Variants in LAMB1 observed in about 807,000 individuals in gnomAD.
LAMB1 encodes laminin subunit beta 1.
A neutral mutation model predicts 222.3 loss-of-function variants in LAMB1; 121 were observed. The observed-to-expected ratio is 0.54, with a 90% CI of 0.47 to 0.63. LAMB1 has a LOEUF of 0.63. Ranked by LOEUF, LAMB1 falls within the 30% of genes least tolerant of loss-of-function variation. The pLI is 0.00. For missense variants in LAMB1, 2,172 were observed against 2,240.8 expected, an observed-to-expected ratio of 0.97 and a Z score of 0.62; for synonymous variants, 794 against 807.2, an observed-to-expected ratio of 0.98 and a Z score of 0.28.
In LAMB1 at chr7:107,986,194, T is replaced by C; in HGVS notation, c.593A>G (p.Glu198Gly). The change falls in exon 6 of 34, where the codon GAA becomes GGA. Residue 198 changes from glutamate (E) to glycine (G), a missense_variant. Glu to Gly is a moderately conservative substitution (Grantham distance 98, BLOSUM62 -2). Coordinates refer to ENST00000222399, the MANE Select transcript of LAMB1 (RefSeq NM_002291.3). ...ACAAACCTCTCCTTCAGTTGAGGGTTCAATGTCAGAATATCGAGAATCACA... is the reference window on the plus strand; with the variant it reads ...ACAAACCTCTCCTTCAGTTGAGGGTCCAATGTCAGAATATCGAGAATCACA... Reference protein sequence around the residue: ...IICDSRYSDIEPSTEGEVIFR... With the variant: ...IICDSRYSDIGPSTEGEVIFR... 6.2e-7 allele frequency: 1 copy of C among 1,614,112 alleles called. No homozygotes were observed. The highest frequency in any genetic ancestry group is 8.5e-7 in the Non-Finnish European group (1 of 1,179,970).
chr7:107,956,674 AG>A (rs1469129771), intron 20 of LAMB1, among the ~76,000 whole-genome samples: 1 of 152,206 alleles, frequency 6.6e-6, no homozygotes, highest in African/African-American at 2.4e-5. Context: ...TGTGTTGGCA[AG>A]CCCACGGTGG....
rs971343938 is a variant in LAMB1, at chr7:107,940,342, G to A, written c.3408C>T (p.Pro1136=). The change falls in exon 25 of 34, where the codon CCC becomes CCT. Residue 1136 remains proline (P), a synonymous_variant. Transcript: ENST00000222399. ...CACACTGTGGCGTCTCAATGCCCCTGGGGTCACAGTCACAGGCTAGAAGGG... is the reference window on the plus strand; with the variant it reads ...CACACTGTGGCGTCTCAATGCCCCTAGGGTCACAGTCACAGGCTAGAAGGG... ...DVECRACDCD[P]RGIETPQCDQ... 8.1e-6 allele frequency: 13 copies of A among 1,613,408 alleles called. No individual in the cohort carries two copies. The highest frequency in any genetic ancestry group is 1.3e-5 in the African/African-American group (1 of 74,906).
At chr7:108,002,749 C>G (rs2034415317) in intron 2 of LAMB1, 100 bp downstream of exon 2, 1 of 1,524,602 alleles carries the variant, frequency 6.6e-7, no homozygotes, top group African/African-American at 1.4e-5. Context: ...GTCCCTCTCC[C>G]AAGCCCCCAG....
intron 21 of LAMB1, 104 bp from the exon 22 acceptor site, chr7:107,953,858 C>T: frequency 1.1e-6 from 1 of 922,142 alleles, no homozygotes; most frequent in African/African-American, 1.6e-5. Context: ...GGCGGTGCTT[C>T]ATCTTCACTG....
intron 5 of LAMB1, among the ~76,000 whole-genome samples, chr7:107,990,216 T>G (rs1042745898): frequency 2.0e-5 from 3 of 151,986 alleles, no homozygotes; most frequent in African/African-American, 7.2e-5. Context: ...TTTTTTAATT[T>G]TTTGTAGAGA....
At chr7:107,982,168 A>G (rs1038420034) in intron 7 of LAMB1, among the ~76,000 whole-genome samples, 1 of 152,228 alleles carries the variant, frequency 6.6e-6, no homozygotes, top group Non-Finnish European at 1.5e-5. Context: ...TAGACAAACG[A>G]AGAGCCATTC....
chr7:107,953,808 A>C, intron 21 of LAMB1, 54 bp from the exon 22 acceptor site: 1,109 of 1,467,580 alleles, frequency 7.6e-4, no homozygotes, highest in Non-Finnish European at 9.7e-4. Flanking sequence ...CTGAAAGCTC[A>C]CCAGTGCACC....
At chr7:107,928,900 T>TC (rs1584481968) in intron 31 of LAMB1, among the ~76,000 whole-genome samples, 164 bp downstream of exon 31, 1 of 152,298 alleles carries the variant, frequency 6.6e-6, no homozygotes, top group East Asian at 1.9e-4. Flanking sequence ...AAAACCTATC[T>TC]CCACTTATTT....
chr7:107,956,435 G>A lies in LAMB1; in HGVS notation c.2691-805C>T, dbSNP rs73195555. On this transcript the variant is annotated intron_variant, in intron 20 of 33. Coordinates refer to ENST00000222399, the MANE Select transcript of LAMB1 (RefSeq NM_002291.3). The stretch of plus-strand genomic sequence containing the variant: ...GATAATATTGATGCTGCTGATCTAG[G>A]GATCCTACTTGCAGGACCACTGCGT... 7.7e-3 allele frequency among the ~76,000 whole-genome samples: 1,175 copies of A among 152,198 alleles called. 9 individuals carry two copies. The highest frequency in any genetic ancestry group is 0.024 in the Middle Eastern group (7 of 294).
intron 24 of LAMB1, chr7:107,951,010 T>C: frequency 4.3e-6 from 2 of 469,354 alleles, no homozygotes; most frequent in Non-Finnish European, 7.7e-6. Flanking sequence ...GCCGGGAGAG[T>C]ATGCACATCC....
At position 107,932,284 on chromosome 7, in the gene LAMB1, G is replaced by A. The variant is rs1235585031; in HGVS notation, c.4282C>T (p.Pro1428Ser). The A allele has an allele frequency of 9.9e-6, 16 of 1,614,038 alleles. No individual in the cohort carries two copies. The Middle Eastern group carries it at 4.9e-4, about 50-fold the overall frequency. The change falls in exon 28 of 34, where the codon CCT (proline) becomes TCT (serine). Residue 1428 changes from proline to serine, a missense_variant. By Grantham distance (74) the Pro-to-Ser change is moderately conservative. Transcript: ENST00000222399. ...TDEGERKCGG[P>S]GCGGLVTVAH... ...ACAGTAACCAGACCACCACAGCCAG[G>A]CCCCCCACACTTCCTCTCTCCTTCG...
At position 107,980,008 on chromosome 7, in the gene LAMB1, G is replaced by T. The variant is rs185205225; in HGVS notation, c.879+601C>A. ...GGATCACTTGAGGTCAGGAGTTTGA[G>T]ATCAGCCTAGCCAACATGATGAAAC... On this transcript the variant is annotated intron_variant, in intron 8 of 33. Transcript: ENST00000222399. Among the ~76,000 whole-genome samples the T allele has an allele frequency of 7.7e-3, 1,173 of 152,122 alleles. 24 individuals are homozygous for T. The highest frequency in any genetic ancestry group is 0.027 in the African/African-American group (1,113 of 41,476).
chr7:107,929,728 C>T, intron 29 of LAMB1, 109 bp from the exon 30 acceptor site: 2 of 807,542 alleles, frequency 2.5e-6, no homozygotes, highest in South Asian at 1.6e-5. Context: ...GGTTACACAC[C>T]AAGAGACACT....
chr7:107,999,408 T>C (rs2034340674), intron 3 of LAMB1, among the ~76,000 whole-genome samples: 1 of 152,304 alleles, frequency 6.6e-6, no homozygotes. Context: ...AGGCTAAGAC[T>C]GAAATACATA....
chr7:107,996,890 C>A (rs762036361), intron 4 of LAMB1, among the ~76,000 whole-genome samples: 1 of 152,174 alleles, frequency 6.6e-6, no homozygotes, highest in Non-Finnish European at 1.5e-5. Flanking sequence ...TGTTCCTAGT[C>A]TTTGTTCATA....
chr7:107,980,157 G>C (rs1382157767), intron 8 of LAMB1, among the ~76,000 whole-genome samples: 1 of 150,916 alleles, frequency 6.6e-6, no homozygotes, highest in Admixed American at 6.6e-5. Context: ...GCAGTGAGCT[G>C]AAATTGCACC....
rs1274005883 is a variant in LAMB1 at position 107,955,520 on chromosome 7, T to C, written c.2801A>G (p.Tyr934Cys). Residue 934 changes from tyrosine (Y) to cysteine (C), a missense_variant, in exon 21 of 34, where the codon TAC becomes TGC. Coordinates refer to ENST00000222399, the MANE Select transcript of LAMB1 (RefSeq NM_002291.3). ...AAGCTGTAAAGTAACAGGATCTTGG[T>C]AGCAGCTCCTGGCAAACTGGCGTCC... The part of the protein sequence containing the change: ...DSGRQFARSC[Y>C]QDPVTLQLAC... 1 of 1,614,108 alleles carries C rather than the reference T, an allele frequency of 6.2e-7. No homozygotes were observed. Among genetic ancestry groups the C allele is most frequent in the Non-Finnish European group, 8.5e-7 (1 of 1,180,002 alleles).
At position 107,951,331 on chromosome 7, in the gene LAMB1, A is replaced by G; in HGVS notation, c.3295-9T>C. On this transcript the variant is annotated splice_polypyrimidine_tract_variant and intron_variant, in intron 23 of 33. Coordinates refer to ENST00000222399, the MANE Select transcript of LAMB1 (RefSeq NM_002291.3). ...TGGCACTGCCCCGTGAACTGCGGCC[A>G]GAACACAGACCTTGGTCAAGCAGGC... The G allele has an allele frequency of 6.2e-7, 1 of 1,613,772 alleles. No homozygotes were observed. The highest frequency in any genetic ancestry group is 8.5e-7 in the Non-Finnish European group (1 of 1,179,720).
In LAMB1 at chr7:107,972,958, C is replaced by G. The variant is rs373996815; in HGVS notation, c.1562+34G>C. The G allele has an allele frequency of 2.6e-6, 4 of 1,525,998 alleles. No homozygotes were observed. In the Admixed American group the frequency reaches 5.0e-5, roughly 19 times the overall value. 94.5% of individuals were successfully genotyped at this position (1,525,998 alleles called of 1,614,324 possible). A position where few individuals can be genotyped will look rare whatever the true frequency, so the allele number is the denominator to read the frequency against. The stretch of plus-strand genomic sequence containing the variant: ...TGTAAGTCATGACTTTCCTGGAAGA[C>G]TGAGGACAAGAGCATACGTAGAGCT... On this transcript the variant is annotated intron_variant, in intron 13 of 33. Coordinates refer to ENST00000222399, the MANE Select transcript of LAMB1 (RefSeq NM_002291.3).
Sources: gnomAD v4.1 joint callset for allele counts (sites outside exome capture counted in the v4.1 genomes callset) on GRCh38, gnomAD v4.1.1 for gene constraint, MANE v1.5 for transcripts, NCBI Gene and HGNC (gene_info 2026-07-23, HGNC 2026-07-21) for gene names.